The following TTC7A variants were observed in gnomAD, a reference collection of about 807,000 sequenced individuals.
The protein encoded by TTC7A is tetratricopeptide repeat protein 7A.
A neutral mutation model predicts 103.7 loss-of-function variants in TTC7A; 110 were observed. The ratio of observed to expected loss-of-function variants is 1.06; its 90% CI spans 0.91 to 1.24. The LOEUF (loss-of-function observed/expected upper bound fraction) is 1.24, where lower values mean the gene tolerates loss of function less well. TTC7A is among the 50% of genes most tolerant of loss of function. TTC7A has a pLI of 0.00. For missense variants in TTC7A, 1,340 were observed against 1,116.3 expected, an observed-to-expected ratio of 1.20 and a Z score of -2.86; for synonymous variants, 521 against 467.9, an observed-to-expected ratio of 1.11 and a Z score of -1.47.
At chr2:46,953,514 T>C (rs1445067938) in intron 2 of TTC7A, among the ~76,000 whole-genome samples, 1 of 152,200 alleles carries the variant, frequency 6.6e-6, no homozygotes, top group African/African-American at 2.4e-5. Context: ...GCGTGACCTT[T>C]CTTGGCAGCT....
Position 46,925,307 on chromosome 2 carries a change from C to G in TTC7A, c.82+8030C>G, listed in dbSNP as rs558949613. On this transcript the variant is annotated intron_variant, in intron 2 of 20. Coordinates refer to the TTC7A transcript ENST00000409245. ...GTGCAGTGGCTCATGCCTATAATCC[C>G]AGCACTTTGGGAGGCTAAGGTGGGC... Among the ~76,000 whole-genome samples, 14 of 152,212 alleles carry G rather than the reference C, an allele frequency of 9.2e-5. 1 individual carries two copies. The East Asian group carries it at 2.7e-3, about 29-fold the overall frequency.
chr2:46,976,892 G>A lies in TTC7A; in HGVS notation c.648+1789G>A, dbSNP rs1445485947. ...GGAGGAAAGGAGAAATGACCGATGG[G>A]CTCAGCAAATATAGGACTTGAGTGC... On this transcript the variant is annotated intron_variant, in intron 4 of 19. Transcript: ENST00000319190. 3.5e-4 allele frequency among the ~76,000 whole-genome samples: 54 copies of A among 152,184 alleles called. 1 individual carries two copies. The highest frequency in any genetic ancestry group is 3.5e-3 in the Admixed American group (54 of 15,280).
chr2:46,916,272 G>T, exon 1 of TTC7A: 1 of 703,350 alleles, frequency 1.4e-6, no homozygotes, highest in Non-Finnish European at 1.7e-6. Context: ...CGCTGGAGCC[G>T]GCCTTGGACC....
At chr2:47,000,553 A>G (rs558123604) in intron 8 of TTC7A, among the ~76,000 whole-genome samples, 26 of 152,284 alleles carry the variant, frequency 1.7e-4, no homozygotes, top group Non-Finnish European at 3.4e-4. Context: ...TGGATGGAAC[A>G]TGTCACAGAG....
chr2:47,044,146 C>T (rs941593188), intron 15 of TTC7A, among the ~76,000 whole-genome samples: 37 of 152,260 alleles, frequency 2.4e-4, no homozygotes, highest in South Asian at 2.1e-4. Context: ...CCCTCCACAC[C>T]GGAGCCTCTT....
chr2:46,993,305 A>G, intron 5 of TTC7A, 145 bp from the exon 6 acceptor site: 1 of 730,050 alleles, frequency 1.4e-6, no homozygotes, highest in East Asian at 2.6e-5. Context: ...CTGGTGTTAC[A>G]ACTCTAACTT....
intron 19 of TTC7A, among the ~76,000 whole-genome samples, chr2:47,067,505 A>G (rs1422889885): frequency 6.6e-6 from 1 of 152,206 alleles, no homozygotes; most frequent in Non-Finnish European, 1.5e-5. Flanking sequence ...TGGCAGAGAC[A>G]GGGACCTCCA....
intron 15 of TTC7A, among the ~76,000 whole-genome samples, chr2:47,031,649 C>A (rs375936773): frequency 6.6e-6 from 1 of 152,214 alleles, no homozygotes; most frequent in Admixed American, 6.5e-5. Flanking sequence ...GCGGGAGCAC[C>A]GCTGCTCTGA....
At chr2:46,980,254 C>G (rs1206738975) in intron 5 of TTC7A, among the ~76,000 whole-genome samples, 1 of 131,202 alleles carries the variant, frequency 7.6e-6, no homozygotes, top group Non-Finnish European at 1.6e-5. Flanking sequence ...AGATCTTACT[C>G]TGACATCCAG....
intron 15 of TTC7A, among the ~76,000 whole-genome samples, chr2:47,031,133 C>A (rs572293266): frequency 7.4e-4 from 112 of 152,182 alleles, no homozygotes; most frequent in African/African-American, 2.6e-3. Context: ...GGCGACAGAG[C>A]GAGACTCAGT....
chr2:46,997,360 G>A (rs1676311379), intron 8 of TTC7A, among the ~76,000 whole-genome samples: 2 of 152,114 alleles, frequency 1.3e-5, no homozygotes, highest in South Asian at 2.1e-4. Context: ...CTGGAAACGG[G>A]GTCGTCTGTT....
At chr2:47,040,597 A>G (rs931691747) in intron 15 of TTC7A, 3 of 152,234 alleles carry the variant, frequency 2.0e-5, no homozygotes, top group Non-Finnish European at 4.4e-5. Context: ...GCCTAGTTCA[A>G]CAGACCAAGA....
chr2:46,982,452 A>G (rs1168876629), intron 5 of TTC7A, among the ~76,000 whole-genome samples: 1 of 152,070 alleles, frequency 6.6e-6, no homozygotes, highest in African/African-American at 2.4e-5. Context: ...CATGCCTGGC[A>G]GACAGGAGAG....
chr2:46,961,815 T>G (rs897604820), intron 3 of TTC7A, among the ~76,000 whole-genome samples: 1 of 148,740 alleles, frequency 6.7e-6, no homozygotes, highest in Non-Finnish European at 1.5e-5. Flanking sequence ...CTTGGGAGGC[T>G]GGAGAATCGC....
intron 10 of TTC7A, 58 bp from the exon 11 acceptor site, chr2:47,011,273 T>G: frequency 6.6e-7 from 1 of 1,516,182 alleles, no homozygotes; most frequent in Non-Finnish European, 9.1e-7. Flanking sequence ...CGCCCCACTG[T>G]GGGCCCTTGA....
chr2:47,069,944 T>A (rs1684523261), intron 19 of TTC7A, among the ~76,000 whole-genome samples: 1 of 151,346 alleles, frequency 6.6e-6, no homozygotes, highest in Admixed American at 6.6e-5. Flanking sequence ...GAATGTGCCC[T>A]GAGCTCAGAA....
chr2:47,026,117 G>C (rs571301926), intron 14 of TTC7A, among the ~76,000 whole-genome samples: 1 of 152,192 alleles, frequency 6.6e-6, no homozygotes, highest in Non-Finnish European at 1.5e-5. Context: ...GGCAGCCTCA[G>C]GGAGTTGAGA....
Position 47,051,752 on chromosome 2 carries a change from G to T in TTC7A, c.2024G>T (p.Arg675Leu), listed in dbSNP as rs532590528. 2.5e-6 allele frequency: 4 copies of T among 1,609,450 alleles called. No individual in the cohort carries two copies. The African/African-American group carries it at 5.3e-5, about 22-fold the overall frequency. ...GTGCCCTCTTGCTCTGCAGGCTCCC[G>T]GCGGGCTTCGTCCATCGCCGCCTCC... ...PDAHDADSGS[R>L]RASSIAASRL... The change falls in exon 18 of 20, where the codon CGG becomes CTG. Residue 675 changes from arginine to leucine, a missense_variant. Transcript: ENST00000319190.
At chr2:46,928,092 A>G (rs1409229203) in intron 2 of TTC7A, among the ~76,000 whole-genome samples, 2 of 151,092 alleles carry the variant, frequency 1.3e-5, no homozygotes, top group East Asian at 2.0e-4. Context: ...GGTTTTTGCC[A>G]TGTTGCCCAG....
Sources: allele counts gnomAD v4.1 joint callset (sites outside exome capture counted in the v4.1 genomes callset), GRCh38; gene constraint gnomAD v4.1.1; transcripts MANE v1.5; gene names NCBI Gene and HGNC (gene_info 2026-07-23, HGNC 2026-07-21).